PCDHGA2: variants seen among roughly 807,000 people sequenced by gnomAD.
The protein encoded by PCDHGA2 is protocadherin gamma subfamily A, 2, also known as protocadherin gamma-A2.
A neutral mutation model predicts 59.2 loss-of-function variants in PCDHGA2; 40 were observed. The observed-to-expected ratio is 0.68, with a 90% CI of 0.52 to 0.88. The LOEUF (loss-of-function observed/expected upper bound fraction) is 0.88, where lower values mean the gene tolerates loss of function less well. PCDHGA2 is among the 40% of genes least tolerant of loss of function. The pLI is 0.00. For missense variants in PCDHGA2, 1,226 were observed against 1,204.0 expected, an observed-to-expected ratio of 1.02 and a Z score of -0.27; for synonymous variants, 560 against 526.0, an observed-to-expected ratio of 1.06 and a Z score of -0.89.
At chr5:141,376,011 T>C (rs1173303153) in intron 1 of PCDHGA2, 1 of 1,613,332 alleles carries the variant, frequency 6.2e-7, no homozygotes, top group Non-Finnish European at 8.5e-7. Context: ...CAGAGCCTAG[T>C]GGTGGCCGTC....
chr5:141,494,901 G>C, intron 2 of PCDHGA2, 36 bp downstream of exon 2: 1 of 1,614,050 alleles, frequency 6.2e-7, no homozygotes, highest in Non-Finnish European at 8.5e-7. Context: ...CCTCTTCTCT[G>C]CGGCATTTTC....
At chr5:141,423,644 A>G in intron 1 of PCDHGA2, 1 of 1,592,866 alleles carries the variant, frequency 6.3e-7, no homozygotes, top group South Asian at 1.1e-5. Context: ...GGCAAATGTG[A>G]CCCGACAAGT....
At chr5:141,405,024 T>C in intron 1 of PCDHGA2, 1 of 1,613,920 alleles carries the variant, frequency 6.2e-7, no homozygotes, top group Non-Finnish European at 8.5e-7. Flanking sequence ...GACCTTACCC[T>C]CTACCTCGTT....
Position 141,487,819 on chromosome 5 carries a change from C to T in PCDHGA2, c.2425-6988C>T, listed in dbSNP as rs559702138. 28 of 1,285,530 alleles carry T rather than the reference C, an allele frequency of 2.2e-5. No homozygotes were observed. The highest frequency in any genetic ancestry group is 7.6e-5 in the East Asian group (3 of 39,466). 79.6% of individuals were successfully genotyped at this position (1,285,530 alleles called of 1,614,324 possible). ...AGTTGTCACAGTTTAGCATTGGGGG[C>T]GGGTCATGCCTATATCTGAGTAAGA... is the stretch of plus-strand genomic sequence containing the variant. On this transcript the variant is annotated intron_variant, in intron 1 of 3. Transcript: ENST00000394576. The surrounding 1 kb of genome is among the most constrained non-coding windows in gnomAD (Gnocchi z 5.0).
intron 1 of PCDHGA2, chr5:141,415,317 G>T (rs778236674): frequency 6.2e-7 from 1 of 1,614,218 alleles, no homozygotes; most frequent in Non-Finnish European, 8.5e-7. Flanking sequence ...TCGTCATCGT[G>T]CTGCTGGCGC....
chr5:141,375,447 C>T, intron 1 of PCDHGA2: 1 of 1,614,018 alleles, frequency 6.2e-7, no homozygotes, highest in Non-Finnish European at 8.5e-7. Flanking sequence ...TTCCCCCATT[C>T]ATCCTACTCA....
At chr5:141,414,773 A>G in intron 1 of PCDHGA2, 1 of 1,614,204 alleles carries the variant, frequency 6.2e-7, no homozygotes, top group Non-Finnish European at 8.5e-7. Flanking sequence ...CATGAGCTAC[A>G]GATGCAGGTG....
chr5:141,389,010 C>T (rs141101630), intron 1 of PCDHGA2: 2 of 1,613,862 alleles, frequency 1.2e-6, no homozygotes, highest in African/African-American at 2.7e-5. Flanking sequence ...GGATTCCAGA[C>T]ACAATGGAGA....
rs767430191 is a variant in PCDHGA2 at position 141,375,567 on chromosome 5, C to T, written c.2424+34172C>T. 22 of 1,613,958 alleles carry T rather than the reference C, an allele frequency of 1.4e-5. No individual in the cohort carries two copies. The Admixed American group carries it at 3.5e-4, about 26-fold the overall frequency. ...GTCTCCTACTCACTGGCAGAAGACA[C>T]CCTCCAGGGGGCGCCCCTGTCCTCC... On this transcript the variant is annotated intron_variant, in intron 1 of 3. Transcript: ENST00000394576.
Position 141,490,157 on chromosome 5 carries a change from G to T in PCDHGA2, c.2425-4650G>T. 1 of 1,614,210 alleles carries T rather than the reference G, an allele frequency of 6.2e-7. No homozygotes were observed. The highest frequency in any genetic ancestry group is 8.5e-7 in the Non-Finnish European group (1 of 1,180,038). On this transcript the variant is annotated intron_variant, in intron 1 of 3. Transcript: ENST00000394576. This position sits in a 1 kb window ranked among gnomAD's most constrained non-coding sequence, Gnocchi z 5.4. ...AGCAGTGGGGCAATCCATGTGTTGGGTCCCATAGACTTTGAGGAGTCACGT... is the reference window on the plus strand; with the variant it reads ...AGCAGTGGGGCAATCCATGTGTTGGTTCCCATAGACTTTGAGGAGTCACGT...
chr5:141,484,242 A>G (rs995022030), intron 1 of PCDHGA2, among the ~76,000 whole-genome samples: 1 of 152,216 alleles, frequency 6.6e-6, no homozygotes, highest in African/African-American at 2.4e-5. Flanking sequence ...TCTGGTCCTT[A>G]GCACCTCCCA....
chr5:141,407,676 T>C (rs990367714), intron 1 of PCDHGA2, among the ~76,000 whole-genome samples: 1 of 152,162 alleles, frequency 6.6e-6, no homozygotes, highest in African/African-American at 2.4e-5. Flanking sequence ...TAAACAAAGA[T>C]TGGCTTTGTG....
At chr5:141,440,912 G>T (rs1281398967) in intron 1 of PCDHGA2, 1 of 152,254 alleles carries the variant, frequency 6.6e-6, no homozygotes, top group Admixed American at 6.5e-5. Context: ...GGGCACTCCT[G>T]TGCTGAGAGT....
intron 1 of PCDHGA2, among the ~76,000 whole-genome samples, chr5:141,402,192 CTT>C (rs1205831935): frequency 6.6e-6 from 1 of 152,006 alleles, no homozygotes; most frequent in Non-Finnish European, 1.5e-5. Flanking sequence ...ATTAATATTA[CTT>C]TTATAATACA....
chr5:141,463,438 CTTTTTTTTTTTTTTT>C (rs71576115), intron 1 of PCDHGA2, among the ~76,000 whole-genome samples: 7 of 103,256 alleles, frequency 6.8e-5, no homozygotes, highest in African/African-American at 3.1e-4. Flanking sequence ...TTTCCTTCTC[CTTTTTTTTTTTTTTT>C]TTTTTTTTTT....
At chr5:141,366,323 G>A in intron 1 of PCDHGA2, 1 of 1,613,796 alleles carries the variant, frequency 6.2e-7, no homozygotes, top group Non-Finnish European at 8.5e-7. Flanking sequence ...CGTTGCCGTG[G>A]CCGACAGGAT....
chr5:141,384,812 T>C, intron 1 of PCDHGA2: 1 of 1,613,428 alleles, frequency 6.2e-7, no homozygotes, highest in African/African-American at 1.3e-5. Context: ...AGAGATGCCC[T>C]CAAGCAGAGC....
At chr5:141,344,493 A>G (rs11575948) in intron 1 of PCDHGA2, 4 of 1,613,858 alleles carry the variant, frequency 2.5e-6, no homozygotes, top group South Asian at 2.2e-5. Context: ...CCGATTTCCA[A>G]TTAAAACTGC....
Position 141,476,472 on chromosome 5 carries a change from T to C in PCDHGA2, c.2425-18335T>C. On this transcript the variant is annotated intron_variant, in intron 1 of 3. Coordinates refer to ENST00000394576, the MANE Select transcript of PCDHGA2 (RefSeq NM_018915.4). The surrounding 1 kb of genome is among the most constrained non-coding windows in gnomAD (Gnocchi z 7.6). The stretch of plus-strand genomic sequence containing the variant: ...GTAGTGGAGAACCCGCTGGAGCTGT[T>C]CAGCGTGGAAGTGGTGATCCAGGAC... 1 of 1,614,098 alleles carries C rather than the reference T, an allele frequency of 6.2e-7. No homozygotes were observed. The highest frequency in any genetic ancestry group is 8.5e-7 in the Non-Finnish European group (1 of 1,180,024).
Sources: gnomAD v4.1 joint callset for allele counts (sites outside exome capture counted in the v4.1 genomes callset) on GRCh38, gnomAD v4.1.1 for gene constraint, Gnocchi (gnomAD v3.1) non-coding constraint, MANE v1.5 for transcripts, NCBI Gene and HGNC (gene_info 2026-07-23, HGNC 2026-07-21) for gene names.